The following TMEM74 variants were observed in gnomAD, a reference collection of about 807,000 sequenced individuals.
TMEM74 encodes the protein transmembrane protein 74.
A neutral mutation model predicts 18.1 loss-of-function variants in TMEM74; 13 were observed. The ratio of observed to expected loss-of-function variants is 0.72; its 90% CI spans 0.47 to 1.14. The LOEUF is 1.14. TMEM74 is among the 50% of genes most tolerant of loss of function. The pLI is 0.00. For missense variants in TMEM74, 372 were observed against 375.9 expected, an observed-to-expected ratio of 0.99 and a Z score of 0.09; for synonymous variants, 159 against 146.6, an observed-to-expected ratio of 1.08 and a Z score of -0.61.
chr8:108,682,408 T>G (rs1175021223), intron 1 of TMEM74, among the ~76,000 whole-genome samples: 17 of 152,088 alleles, frequency 1.1e-4, no homozygotes, highest in Non-Finnish European at 1.5e-5. Context: ...AGCACCCAAT[T>G]TCTTTCTTCT....
In TMEM74 at chr8:108,641,337, T is replaced by G. The variant is rs536423883; in HGVS notation, n.264+13956A>C. On this transcript the variant is annotated intron_variant and non_coding_transcript_variant, in intron 2 of 3. Coordinates refer to the TMEM74 transcript ENST00000518838. ...AAAATAACAAAAAATACAAAATACA[T>G]GCCTTACTGATACAGTTCATTCTCA... is the stretch of plus-strand genomic sequence containing the variant. Among the ~76,000 whole-genome samples, 31 of 152,242 alleles carry G rather than the reference T, an allele frequency of 2.0e-4. 1 individual carries two copies. Among genetic ancestry groups the G allele is most frequent in the African/African-American group, 7.2e-4 (30 of 41,562 alleles).
intron 2 of TMEM74, among the ~76,000 whole-genome samples, chr8:108,618,531 T>C (rs982585924): frequency 5.9e-5 from 9 of 152,216 alleles, no homozygotes; most frequent in Non-Finnish European, 1.3e-4. Context: ...GTGTACTATA[T>C]GAAAGTAGCT....
At chr8:108,629,183 G>GCATACA (rs1270754201) in intron 2 of TMEM74, among the ~76,000 whole-genome samples, 1 of 151,978 alleles carries the variant, frequency 6.6e-6, no homozygotes, top group Non-Finnish European at 1.5e-5. Flanking sequence ...ACTTCATAAA[G>GCATACA]CATACACAAG....
chr8:108,766,436 G>A (rs1226210474), intron 1 of TMEM74, among the ~76,000 whole-genome samples: 1 of 152,050 alleles, frequency 6.6e-6, no homozygotes, highest in Non-Finnish European at 1.5e-5. Context: ...TTCTGTAAGG[G>A]ATTAAATAGA....
At position 108,640,115 on chromosome 8, in the gene TMEM74, CTTTT is replaced by C. The variant is rs35455409; in HGVS notation, n.264+15174_264+15177del. ...TTCTTTTACTCTTTTATAGTAATCA[CTTTT>C]TTTTTTTTTTTTTTTTTTTTTGGTG... On this transcript the variant is annotated intron_variant and non_coding_transcript_variant, in intron 2 of 3. Transcript: ENST00000518838. Among the ~76,000 whole-genome samples, 7 of 78,902 alleles carry C rather than the reference CTTTT, an allele frequency of 8.9e-5. No individual in the cohort carries two copies. The East Asian group carries it at 1.8e-3, about 20-fold the overall frequency. The allele number at this position is 78,902 out of a possible 152,430, so 51.8% of individuals were successfully genotyped here.
At chr8:108,668,561 T>C (rs1052388368) in intron 1 of TMEM74, among the ~76,000 whole-genome samples, 1 of 152,124 alleles carries the variant, frequency 6.6e-6, no homozygotes, top group Non-Finnish European at 1.5e-5. Context: ...CAGCTACACT[T>C]ATTCCCATTT....
chr8:108,778,929 T>C (rs1814268935), downstream of TMEM74, among the ~76,000 whole-genome samples: 1 of 152,196 alleles, frequency 6.6e-6, no homozygotes, highest in Admixed American at 6.5e-5. Flanking sequence ...AGGCACAGTC[T>C]ACATTATATA....
At chr8:108,652,884 C>G (rs1466039834) in intron 2 of TMEM74, 1 of 502,802 alleles carries the variant, frequency 2.0e-6, no homozygotes, top group African/African-American at 2.0e-5. Context: ...GGATCTGCCT[C>G]ACTGGATTCA....
intron 1 of TMEM74, among the ~76,000 whole-genome samples, chr8:108,676,307 C>T (rs758789124): frequency 2.6e-5 from 4 of 152,184 alleles, no homozygotes; most frequent in Admixed American, 6.5e-5. Flanking sequence ...AAAATCCCTC[C>T]AATGGGACCC....
intron 2 of TMEM74, among the ~76,000 whole-genome samples, chr8:108,631,131 A>AT (rs925984261): frequency 1.6e-4 from 25 of 151,782 alleles, no homozygotes; most frequent in South Asian, 6.3e-4. Context: ...CTGGGAATAG[A>AT]TTTTTTTTTC....
chr8:108,774,476 T>C (rs763976583), downstream of TMEM74, among the ~76,000 whole-genome samples: 1 of 152,212 alleles, frequency 6.6e-6, no homozygotes, highest in Non-Finnish European at 1.5e-5. Context: ...ATGCCTTCAG[T>C]GTGGCTTCTG....
downstream of TMEM74, among the ~76,000 whole-genome samples, chr8:108,777,090 G>A (rs1055517426): frequency 2.0e-5 from 3 of 152,150 alleles, no homozygotes; most frequent in East Asian, 1.9e-4. Context: ...CGTTCTATCA[G>A]AGTCTTGCAA....
chr8:108,738,487 C>G (rs1813769592), intron 1 of TMEM74, among the ~76,000 whole-genome samples: 1 of 152,146 alleles, frequency 6.6e-6, no homozygotes. Flanking sequence ...TATGAGATAA[C>G]TGAACTATCC....
chr8:108,775,166 G>C (rs1224755702), downstream of TMEM74, among the ~76,000 whole-genome samples: 7 of 152,176 alleles, frequency 4.6e-5, no homozygotes, highest in Admixed American at 4.6e-4. Flanking sequence ...AACTCTGTCA[G>C]TCAGGCATTG....
At chr8:108,745,868 A>C (rs1377536446) in intron 1 of TMEM74, among the ~76,000 whole-genome samples, 1 of 152,158 alleles carries the variant, frequency 6.6e-6, no homozygotes, top group Non-Finnish European at 1.5e-5. Context: ...ATTGTATTAA[A>C]ATGCACTGTG....
chr8:108,669,197 AT>A (rs1462272269), intron 1 of TMEM74, among the ~76,000 whole-genome samples: 1 of 152,046 alleles, frequency 6.6e-6, no homozygotes, highest in Non-Finnish European at 1.5e-5. Flanking sequence ...AGTTTATCAA[AT>A]ACGTAACTTC....
chr8:108,707,456 T>G (rs1176960056), intron 1 of TMEM74, among the ~76,000 whole-genome samples: 1 of 152,214 alleles, frequency 6.6e-6, no homozygotes, highest in African/African-American at 2.4e-5. Flanking sequence ...GCAGTTGTTT[T>G]AAAGTTTACA....
chr8:108,731,106 C>A (rs764036311), intron 1 of TMEM74, among the ~76,000 whole-genome samples: 10 of 151,844 alleles, frequency 6.6e-5, no homozygotes, highest in Non-Finnish European at 1.3e-4. Context: ...CTTAAATTTG[C>A]CTTTTATAAA....
chr8:108,739,273 A>G (rs1396448998), intron 1 of TMEM74, among the ~76,000 whole-genome samples: 1 of 152,224 alleles, frequency 6.6e-6, no homozygotes, highest in Non-Finnish European at 1.5e-5. Context: ...CACAAGATAA[A>G]ATGTGGGATT....
Sources: allele counts gnomAD v4.1 joint callset (sites outside exome capture counted in the v4.1 genomes callset), GRCh38; gene constraint gnomAD v4.1.1; transcripts MANE v1.5; gene names NCBI Gene and HGNC (gene_info 2026-07-23, HGNC 2026-07-21).